TRIM71: variants seen among roughly 807,000 people sequenced by gnomAD.
The protein encoded by TRIM71 is tripartite motif containing 71.
TRIM71 carries 9 observed loss-of-function variants against 61.2 expected under a neutral mutation model. The ratio of observed to expected loss-of-function variants is 0.15; its 90% CI spans 0.09 to 0.26. The LOEUF (loss-of-function observed/expected upper bound fraction) is 0.26. Ranked by LOEUF, TRIM71 falls within the 10% of genes least tolerant of loss-of-function variation. TRIM71 has a pLI of 1.00. For synonymous variants in TRIM71, 645 were observed against 553.2 expected (o/e 1.17, Z -2.33); for missense variants, 998 against 1,238.7 (o/e 0.81, Z 2.92).
At position 32,818,870 on chromosome 3, in the gene TRIM71, C is replaced by T. The variant is rs749142984; in HGVS notation, c.790C>T (p.Pro264Ser). ...LGLGPPFPGP[P>S]FSILSVFPER... ...GCTCGGGCCGCCCTTTCCCGGCCCG[C>T]CCTTCTCCATCCTCTCAGTGTTTCC... Residue 264 changes from proline to serine, a missense_variant, in exon 1 of 4, where the codon CCC becomes TCC. Pro to Ser is a moderately conservative substitution (Grantham distance 74). Transcript: ENST00000383763. 1.3e-5 allele frequency: 21 copies of T among 1,612,452 alleles called. No individual in the cohort carries two copies. In the South Asian group the frequency reaches 1.4e-4, roughly 11 times the overall value.
rs929336070 is a variant in TRIM71, at chr3:32,889,659, A to C, written c.1156-701A>C. Among the ~76,000 whole-genome samples, 3 of 150,264 alleles carry C rather than the reference A, an allele frequency of 2.0e-5. No homozygotes were observed. In the Admixed American group the frequency reaches 2.0e-4, roughly 10 times the overall value. On this transcript the variant is annotated intron_variant, in intron 3 of 3. Transcript: ENST00000383763. Reference sequence around the variant, plus strand: ...GTTGGAGTGCAATGGTGTGATCTCTACTCACTGCAACCTCCGCCTCTCGGG... The same window carrying C: ...GTTGGAGTGCAATGGTGTGATCTCTCCTCACTGCAACCTCCGCCTCTCGGG...
intron 1 of TRIM71, among the ~76,000 whole-genome samples, chr3:32,848,710 C>G (rs137893919): frequency 0.011 from 1,615 of 152,234 alleles, 15 homozygotes; most frequent in Non-Finnish European, 0.017. Context: ...CCCTTTAAAA[C>G]ACCAGCCTTG....
intron 1 of TRIM71, among the ~76,000 whole-genome samples, chr3:32,869,075 C>G (rs1013799236): frequency 6.6e-6 from 1 of 152,184 alleles, no homozygotes; most frequent in Admixed American, 6.5e-5. Context: ...CTTGGCTTAT[C>G]ATTTTTAAAA....
intron 1 of TRIM71, among the ~76,000 whole-genome samples, chr3:32,842,588 G>A (rs1351242589): frequency 6.6e-6 from 1 of 152,198 alleles, no homozygotes; most frequent in Non-Finnish European, 1.5e-5. Flanking sequence ...GTCCAGACCC[G>A]TGCCAAGGGG....
intron 1 of TRIM71, among the ~76,000 whole-genome samples, chr3:32,825,511 G>A (rs1696190602): frequency 6.6e-6 from 1 of 152,094 alleles, no homozygotes; most frequent in Admixed American, 6.6e-5. Flanking sequence ...TTCATTCTTA[G>A]CAAATAAAGG....
chr3:32,835,122 G>A (rs1575343539), intron 1 of TRIM71, among the ~76,000 whole-genome samples: 1 of 152,166 alleles, frequency 6.6e-6, no homozygotes, highest in East Asian at 1.9e-4. Context: ...ATGAGAAGGA[G>A]GTGATGTTAA....
At chr3:32,837,330 C>T (rs1177260595) in intron 1 of TRIM71, among the ~76,000 whole-genome samples, 1 of 152,140 alleles carries the variant, frequency 6.6e-6, no homozygotes, top group African/African-American at 2.4e-5. Context: ...TTTCCACCAG[C>T]CCAGAAAGTT....
intron 1 of TRIM71, among the ~76,000 whole-genome samples, chr3:32,848,147 T>C (rs1021316909): frequency 1.3e-5 from 2 of 152,202 alleles, no homozygotes; most frequent in Non-Finnish European, 2.9e-5. Context: ...CACTTAATAC[T>C]GTGTGACCTC....
chr3:32,826,823 T>C (rs1367612389), intron 1 of TRIM71, among the ~76,000 whole-genome samples: 1 of 151,972 alleles, frequency 6.6e-6, no homozygotes, highest in Non-Finnish European at 1.5e-5. Flanking sequence ...AGTGCAGTGG[T>C]GCGAACTCAG....
intron 1 of TRIM71, among the ~76,000 whole-genome samples, chr3:32,845,646 G>C (rs1440655157): frequency 6.6e-6 from 1 of 152,094 alleles, no homozygotes; most frequent in African/African-American, 2.4e-5. Flanking sequence ...CCCTGTGAGA[G>C]AACAAAGGGC....
At chr3:32,829,075 C>T (rs1475015368) in intron 1 of TRIM71, among the ~76,000 whole-genome samples, 3 of 151,914 alleles carry the variant, frequency 2.0e-5, no homozygotes. Flanking sequence ...CTCACTGCAA[C>T]CTCCGCTTCC....
At chr3:32,851,153 GA>G (rs1339374827) in intron 1 of TRIM71, among the ~76,000 whole-genome samples, 3 of 152,088 alleles carry the variant, frequency 2.0e-5, no homozygotes, top group Non-Finnish European at 2.9e-5. Context: ...GGGCTGTGGG[GA>G]AAAAAGTTTG....
At chr3:32,862,408 A>G (rs1374147223) in intron 1 of TRIM71, among the ~76,000 whole-genome samples, 2 of 152,226 alleles carry the variant, frequency 1.3e-5, no homozygotes, top group Non-Finnish European at 2.9e-5. Flanking sequence ...CTGCCTTTCT[A>G]CACCATCTCA....
chr3:32,824,357 C>CTT (rs1229852096), intron 1 of TRIM71, among the ~76,000 whole-genome samples: 2 of 141,684 alleles, frequency 1.4e-5, no homozygotes. Context: ...TTTTTTCTTT[C>CTT]TTTTTTTTTT....
At position 32,818,771 on chromosome 3, in the gene TRIM71, C is replaced by T; in HGVS notation, c.691C>T (p.Arg231Cys). Residue 231 changes from arginine (R) to cysteine (C), a missense_variant, in exon 1 of 4, where the codon CGC becomes TGC. Physicochemically the swap from Arg to Cys is radical, Grantham distance 180. This residue lies in a region of TRIM71 where 527 missense variants were observed against 427.8 expected (regional missense o/e 1.23). Transcript: ENST00000383763. Reference sequence around the variant, plus strand: ...CTGCGTCCGAGCGCACCAGCGCGTGCGCCTCACCAAGGACCACTACATCGA... The same window carrying T: ...CTGCGTCCGAGCGCACCAGCGCGTGTGCCTCACCAAGGACCACTACATCGA... ...DNCVRAHQRV[R>C]LTKDHYIERG... is the part of the protein sequence containing the mutation. The T allele has an allele frequency of 6.2e-7, 1 of 1,607,184 alleles. No individual in the cohort carries two copies. Among genetic ancestry groups the T allele is most frequent in the Admixed American group, 1.7e-5 (1 of 59,740 alleles).
chr3:32,845,663 A>G (rs1878887), intron 1 of TRIM71, among the ~76,000 whole-genome samples: 35,741 of 151,860 alleles, frequency 0.24, 4,638 homozygotes, highest in African/African-American at 0.34. Flanking sequence ...GGGCCTTGGG[A>G]TCTTTCATGA....
In TRIM71 at chr3:32,832,217, A is replaced by C. The variant is rs531781077; in HGVS notation, c.852+13285A>C. Among the ~76,000 whole-genome samples, 7 of 152,326 alleles carry C rather than the reference A, an allele frequency of 4.6e-5. No individual in the cohort carries two copies. In the South Asian group the frequency reaches 1.0e-3, roughly 23 times the overall value. On this transcript the variant is annotated intron_variant, in intron 1 of 3. Transcript: ENST00000383763. ...CACAGTGGTTCATGCCTGTAATCCC[A>C]GCACTCTGGGAAGCTGAGACAGGAG...
chr3:32,876,090 T>C lies in TRIM71; in HGVS notation c.1020+2105T>C, dbSNP rs116406084. On this transcript the variant is annotated intron_variant, in intron 2 of 3. Coordinates refer to ENST00000383763, the MANE Select transcript of TRIM71 (RefSeq NM_001039111.3). ...CTTTAAAATGCCTTGAGTGTCTCTG[T>C]GTTGCTCTTCTCCTTTGTCAGTGTC... Among the ~76,000 whole-genome samples the C allele has an allele frequency of 4.6e-3, 699 of 152,312 alleles. 7 individuals carry two copies. Among genetic ancestry groups the C allele is most frequent in the African/African-American group, 0.016 (647 of 41,578 alleles).
chr3:32,870,562 C>T (rs141239207), intron 1 of TRIM71, among the ~76,000 whole-genome samples: 11 of 152,210 alleles, frequency 7.2e-5, no homozygotes, highest in South Asian at 2.1e-4. Flanking sequence ...GCTCTGGTGT[C>T]GGCTCAGGGC....
Sources: allele counts gnomAD v4.1 joint callset (sites outside exome capture counted in the v4.1 genomes callset), GRCh38; gene constraint gnomAD v4.1.1; regional missense constraint gnomAD v4.1.1; transcripts MANE v1.5; gene names NCBI Gene and HGNC (gene_info 2026-07-23, HGNC 2026-07-21).